Variants in GPHN observed in about 807,000 individuals in gnomAD.
GPHN encodes gephyrin.
In GPHN, 17 loss-of-function variants were observed where a neutral mutation model predicts 95.5. The ratio of observed to expected loss-of-function variants is 0.18; its 90% CI spans 0.12 to 0.27. The LOEUF (loss-of-function observed/expected upper bound fraction) is 0.27, where lower values mean the gene tolerates loss of function less well. Ranked by LOEUF, GPHN falls within the 10% of genes least tolerant of loss-of-function variation. GPHN has a pLI of 1.00. For synonymous variants in GPHN, 320 were observed against 322.5 expected (o/e 0.99, Z 0.08); for missense variants, 660 against 978.1 (o/e 0.67, Z 4.34).
chr14:67,336,055 C>T, the GPHN span: 3 of 152,274 alleles, frequency 2.0e-5, no homozygotes, highest in Non-Finnish European at 2.9e-5. Flanking sequence ...AGATGGACAA[C>T]GCAAGGCTGT....
At chr14:67,706,734 G>A in the GPHN span, among the ~76,000 whole-genome samples, 1 of 152,108 alleles carries the variant, frequency 6.6e-6, no homozygotes, top group East Asian at 1.9e-4. Flanking sequence ...GTGATTTTGG[G>A]GGCCGAGATC....
the GPHN span, among the ~76,000 whole-genome samples, chr14:67,508,802 A>G: frequency 9.0e-4 from 136 of 151,052 alleles, 2 homozygotes; most frequent in South Asian, 4.0e-3. Context: ...TGGAACAAAC[A>G]AGAATGGATC....
At chr14:67,047,286 C>T (rs2075067985) in intron 10 of GPHN, among the ~76,000 whole-genome samples, 1 of 149,678 alleles carries the variant, frequency 6.7e-6, no homozygotes, top group Non-Finnish European at 1.5e-5. Flanking sequence ...ATGTTCTCTC[C>T]TATGATCAAA....
chr14:67,569,590 A>T, the GPHN span: 21 of 443,558 alleles, frequency 4.7e-5, no homozygotes, highest in Non-Finnish European at 7.4e-5. Flanking sequence ...CCAGCCACCA[A>T]ATCTCCACAA....
chr14:66,928,045 C>T (rs10142152), intron 8 of GPHN, among the ~76,000 whole-genome samples: 24,119 of 152,020 alleles, frequency 0.16, 3,706 homozygotes, highest in East Asian at 0.45. Context: ...GTAATACTGA[C>T]CTTGTAGAAT....
the GPHN span, among the ~76,000 whole-genome samples, chr14:67,596,847 T>G: frequency 6.6e-6 from 1 of 152,232 alleles, no homozygotes. Flanking sequence ...AAATCTCCAC[T>G]TGTCCATGCT....
intron 1 of GPHN, among the ~76,000 whole-genome samples, chr14:66,545,201 C>T (rs1208881018): frequency 4.5e-4 from 67 of 147,294 alleles, no homozygotes; most frequent in Non-Finnish European, 8.1e-4. Context: ...GCTGGCCGGG[C>T]GGGGGGCTGA....
chr14:67,255,944 C>T, the GPHN span, among the ~76,000 whole-genome samples: 24 of 152,338 alleles, frequency 1.6e-4, no homozygotes, highest in South Asian at 3.7e-3. Flanking sequence ...GCTTTGGCCT[C>T]CCAAAGTGCT....
At chr14:67,462,504 C>T in the GPHN span, among the ~76,000 whole-genome samples, 1 of 152,202 alleles carries the variant, frequency 6.6e-6, no homozygotes, top group African/African-American at 2.4e-5. Context: ...AGCCACCACA[C>T]CTGGCTAATT....
intron 11 of GPHN, among the ~76,000 whole-genome samples, chr14:67,060,030 T>G (rs761338852): frequency 1.3e-5 from 2 of 152,084 alleles, no homozygotes; most frequent in African/African-American, 4.8e-5. Flanking sequence ...TCAGAAAATA[T>G]GAATGTAAAC....
chr14:66,801,198 G>C (rs565880624), intron 3 of GPHN, among the ~76,000 whole-genome samples: 2 of 152,054 alleles, frequency 1.3e-5, no homozygotes, highest in Admixed American at 1.3e-4. Context: ...TTGGACCCTG[G>C]TGCCTTATTT....
intron 6 of GPHN, among the ~76,000 whole-genome samples, chr14:66,917,780 C>A (rs926515359): frequency 1.8e-4 from 27 of 152,134 alleles, no homozygotes; most frequent in African/African-American, 6.0e-4. Flanking sequence ...TGGGAATTAT[C>A]TCCATTAACT....
chr14:67,338,594 T>C, the GPHN span: 2 of 1,604,210 alleles, frequency 1.2e-6, no homozygotes, highest in Non-Finnish European at 1.7e-6. Context: ...AGTGTTAGGG[T>C]TTCTCAAAGA....
the GPHN span, chr14:67,580,938 A>G: frequency 3.7e-6 from 6 of 1,606,980 alleles, no homozygotes; most frequent in South Asian, 5.5e-5. Context: ...CCTTTTCAAG[A>G]TCTGTGATGC....
At chr14:66,593,970 A>G (rs1288247834) in intron 1 of GPHN, among the ~76,000 whole-genome samples, 1 of 152,238 alleles carries the variant, frequency 6.6e-6, no homozygotes, top group Non-Finnish European at 1.5e-5. Context: ...TAAATTCCAT[A>G]AAGTTGTAGA....
chr14:67,164,506 T>G (rs1020874489), intron 19 of GPHN, among the ~76,000 whole-genome samples: 1 of 152,074 alleles, frequency 6.6e-6, no homozygotes, highest in Non-Finnish European at 1.5e-5. Flanking sequence ...TGCTTTCTTT[T>G]TTTTTGAGAT....
the GPHN span, among the ~76,000 whole-genome samples, chr14:67,475,584 A>T: frequency 6.6e-6 from 1 of 152,132 alleles, no homozygotes; most frequent in South Asian, 2.1e-4. Context: ...TATAATGGCC[A>T]TCCTAATGGG....
At chr14:67,653,362 G>C in the GPHN span, 3 of 1,341,516 alleles carry the variant, frequency 2.2e-6, no homozygotes, top group Non-Finnish European at 3.2e-6. Context: ...GAGGACCTTT[G>C]TAAGTCACTA....
intron 11 of GPHN, among the ~76,000 whole-genome samples, chr14:67,065,649 C>T (rs1285089481): frequency 6.6e-6 from 1 of 151,970 alleles, no homozygotes; most frequent in Non-Finnish European, 1.5e-5. Flanking sequence ...ATAGTTAGCT[C>T]TTCCTGCTGC....
Sources: allele counts gnomAD v4.1 joint callset (sites outside exome capture counted in the v4.1 genomes callset), GRCh38; gene constraint gnomAD v4.1.1; transcripts MANE v1.5; gene names NCBI Gene and HGNC (gene_info 2026-07-23, HGNC 2026-07-21).